The following NYNRIN variants were observed in gnomAD, a reference collection of about 807,000 sequenced individuals.
NYNRIN encodes NYN domain and retroviral integrase containing, also known as protein NYNRIN.
NYNRIN carries 86 observed loss-of-function variants against 146.6 expected under a neutral mutation model. The ratio of observed to expected loss-of-function variants is 0.59; its 90% CI spans 0.49 to 0.70. The LOEUF (loss-of-function observed/expected upper bound fraction) is 0.70. NYNRIN is among the 30% of genes least tolerant of loss of function. NYNRIN has a pLI of 0.00. For synonymous variants in NYNRIN, 1,027 were observed against 1,001.3 expected, an observed-to-expected ratio of 1.03 and a Z score of -0.48; for missense variants, 2,191 against 2,377.7, an observed-to-expected ratio of 0.92 and a Z score of 1.63.
Position 24,399,022 on chromosome 14 carries a change from C to T in NYNRIN, c.-82C>T, listed in dbSNP as rs1566481530. 2.0e-6 allele frequency: 1 copy of T among 502,856 alleles called. No homozygotes were observed. The highest frequency in any genetic ancestry group is 2.1e-5 in the African/African-American group (1 of 48,392). 31.1% of individuals were successfully genotyped at this position (502,856 alleles called of 1,614,324 possible). On this transcript the variant is annotated 5_prime_UTR_variant, in exon 1 of 9. Transcript: ENST00000382554. ...TAGCTACAACCCCGGGCAGGAAGAG[C>T]TCGTCGCGGTAGCAGCGGTCGAAGG...
chr14:24,413,408 A>C lies in NYNRIN; in HGVS notation c.2837A>C (p.Lys946Thr). 1 of 1,610,880 alleles carries C rather than the reference A, an allele frequency of 6.2e-7. No individual in the cohort carries two copies. The highest frequency in any genetic ancestry group is 8.5e-7 in the Non-Finnish European group (1 of 1,178,414). Residue 946 changes from lysine to threonine, a missense_variant, in exon 8 of 9, where the codon AAG (lysine) becomes ACG (threonine). This residue lies in a region of NYNRIN where 1,291 missense variants were observed against 1,417.0 expected (regional missense o/e 0.91). Transcript: ENST00000382554. The stretch of plus-strand genomic sequence containing the variant: ...CCCACCTTGGATGAGTTTCTGAAGA[A>C]GCCAAACAGGTAATAGGTCAGACCT... Reference protein sequence around the residue: ...DGPTLDEFLKKPNRLDTDIGN... With the variant: ...DGPTLDEFLKTPNRLDTDIGN...
Position 24,411,097 on chromosome 14 carries a change from C to T in NYNRIN, c.2436C>T (p.Phe812=). The T allele has an allele frequency of 1.2e-6, 2 of 1,613,856 alleles. No individual in the cohort carries two copies. The highest frequency in any genetic ancestry group is 1.7e-6 in the Non-Finnish European group (2 of 1,179,854). The change falls in exon 5 of 9, where the codon TTC becomes TTT. Residue 812 remains phenylalanine (F), a synonymous_variant. Coordinates refer to ENST00000382554, the MANE Select transcript of NYNRIN (RefSeq NM_025081.3). The surrounding 1 kb of genome is among the most constrained non-coding windows in gnomAD (Gnocchi z 4.3). ...ACAGGCATGGCCTGCAGCACTTCTT[C>T]TCCTGCCGAGGAATTGCCATGGCAG... ...VAMVHGLQHF[F]SCRGIAMAVQ...
chr14:24,407,698 C>T (rs1420166914), intron 2 of NYNRIN, among the ~76,000 whole-genome samples, 171 bp from the exon 3 acceptor site: 1 of 152,020 alleles, frequency 6.6e-6, no homozygotes, highest in African/African-American at 2.4e-5. Flanking sequence ...GGGTGCAGGA[C>T]CAGGGAGAGA....
chr14:24,417,431 G>C lies in NYNRIN; in HGVS notation c.5682G>C (p.Lys1894Asn). 6.6e-7 allele frequency: 1 copy of C among 1,507,006 alleles called. No homozygotes were observed. Among genetic ancestry groups the C allele is most frequent in the Non-Finnish European group, 8.9e-7 (1 of 1,126,000 alleles). 93.4% of individuals were successfully genotyped at this position (1,507,006 alleles called of 1,614,324 possible). A position where few individuals can be genotyped will look rare whatever the true frequency, so the allele number is the denominator to read the frequency against. Reference protein sequence around the residue: ...FAKSGTPLSFKVLEQ With the variant: ...FAKSGTPLSFNVLEQ ...AGAGTGGCACCCCGCTGTCCTTCAA[G>C]GTCTTGGAGCAGTGAGCGGGAGCAG... The change falls in exon 9 of 9, where the codon AAG (lysine) becomes AAC (asparagine). Residue 1894 changes from lysine (K) to asparagine (N), a missense_variant. Coordinates refer to ENST00000382554, the MANE Select transcript of NYNRIN (RefSeq NM_025081.3).
In NYNRIN at chr14:24,408,265, A is replaced by G; in HGVS notation, c.595A>G (p.Lys199Glu). The stretch of plus-strand genomic sequence containing the variant: ...GAGCCTGGTGCGGGATGCTGCGGGC[A>G]AGGAAGACATCATCGAGTGGCTCAG... ...LLSLVRDAAGKEDIIEWLSRF... is the reference protein window; with the variant it reads ...LLSLVRDAAGEEDIIEWLSRF... Residue 199 changes from lysine to glutamate, a missense_variant, in exon 3 of 9, where the codon AAG becomes GAG. Lys to Glu is a moderately conservative substitution (Grantham distance 56). Around this residue, in one of 3 missense-constraint regions of NYNRIN, gnomAD observed 895 missense variants for 941.2 expected, o/e 0.95. Transcript: ENST00000382554. The G allele has an allele frequency of 6.2e-7, 1 of 1,611,088 alleles. No homozygotes were observed.
intron 4 of NYNRIN, among the ~76,000 whole-genome samples, chr14:24,410,644 C>G (rs1330399578): frequency 2.0e-5 from 3 of 152,236 alleles, no homozygotes; most frequent in Non-Finnish European, 4.4e-5. Context: ...CCTTCCTCCA[C>G]AGTACTTACT....
chr14:24,407,751 G>T, intron 2 of NYNRIN, 118 bp from the exon 3 acceptor site: 1 of 900,294 alleles, frequency 1.1e-6, no homozygotes, highest in South Asian at 1.7e-5. Context: ...GGTGGATGGG[G>T]GGTGGTAGTG....
rs749183752 is a variant in NYNRIN at position 24,415,333 on chromosome 14, C to G, written c.3584C>G (p.Pro1195Arg). The G allele has an allele frequency of 3.1e-6, 5 of 1,613,964 alleles. No individual in the cohort carries two copies. Among genetic ancestry groups the G allele is most frequent in the Non-Finnish European group, 4.2e-6 (5 of 1,179,868 alleles). Residue 1195 changes from proline to arginine, a missense_variant, in exon 9 of 9, where the codon CCT becomes CGT. Physicochemically the swap from Pro to Arg is moderately radical, Grantham distance 103. Around this residue, in one of 3 missense-constraint regions of NYNRIN, gnomAD observed 1,291 missense variants for 1,417.0 expected, o/e 0.91. Coordinates refer to ENST00000382554, the MANE Select transcript of NYNRIN (RefSeq NM_025081.3). ...GCCTATACCTCAAAACCCCTCCTCC[C>G]TGATGAGGAGAGCCAGGGCCCCCAG... ...PIAYTSKPLLPDEESQGPQSG... is the reference protein window; with the variant it reads ...PIAYTSKPLLRDEESQGPQSG...
Position 24,415,487 on chromosome 14 carries a change from G to C in NYNRIN, c.3738G>C (p.Glu1246Asp). ...SRTTADPEVR[E>D]GRRVSKAWLI... ...CCACTGCGGACCCTGAGGTGCGGGA[G>C]GGCCGCAGGGTTTCCAAAGCTTGGT... is the stretch of plus-strand genomic sequence containing the variant. Residue 1246 changes from glutamate to aspartate, a missense_variant, in exon 9 of 9, where the codon GAG becomes GAC. Glu to Asp is a conservative substitution (Grantham distance 45). Around this residue, in one of 3 missense-constraint regions of NYNRIN, gnomAD observed 1,291 missense variants for 1,417.0 expected, o/e 0.91. Transcript: ENST00000382554. The C allele has an allele frequency of 6.2e-7, 1 of 1,613,838 alleles. No homozygotes were observed. Among genetic ancestry groups the C allele is most frequent in the Non-Finnish European group, 8.5e-7 (1 of 1,179,822 alleles).
chr14:24,411,438 C>G lies in NYNRIN; in HGVS notation c.2630C>G (p.Thr877Ser). Residue 877 changes from threonine (T) to serine (S), a missense_variant, in exon 6 of 9, where the codon ACC becomes AGC. Thr to Ser is a moderately conservative substitution (Grantham distance 58). This residue lies in a region of NYNRIN where 1,291 missense variants were observed against 1,417.0 expected (regional missense o/e 0.91). Transcript: ENST00000382554. The surrounding 1 kb of genome is among the most constrained non-coding windows in gnomAD (Gnocchi z 4.3). ...CTTGAGAATGGCAAGAAGATCACCA[C>G]CTACGATTATAGGTGTGCCGGTCCC... ...SQLENGKKIT[T>S]YDYRFMVKLA... The G allele has an allele frequency of 2.5e-6, 4 of 1,613,938 alleles. No homozygotes were observed. Among genetic ancestry groups the G allele is most frequent in the Non-Finnish European group, 3.4e-6 (4 of 1,179,810 alleles).
Position 24,410,046 on chromosome 14 carries a change from C to A in NYNRIN, c.2252C>A (p.Ala751Asp). ...GGGCTCCTGGGGGCTTGGGAGGGGG[C>A]CCCAAGGCAGCCACCTCGCCACCTG... ...MEGLLGAWEG[A>D]PRQPPRHLQA... The change falls in exon 4 of 9, where the codon GCC (alanine) becomes GAC (aspartate). Residue 751 changes from alanine (A) to aspartate (D), a missense_variant. By Grantham distance (126) the Ala-to-Asp change is moderately radical (BLOSUM62 -2). Around this residue, in one of 3 missense-constraint regions of NYNRIN, gnomAD observed 895 missense variants for 941.2 expected, o/e 0.95. Transcript: ENST00000382554. 1 of 1,613,900 alleles carries A rather than the reference C, an allele frequency of 6.2e-7. No individual in the cohort carries two copies. Among genetic ancestry groups the A allele is most frequent in the Non-Finnish European group, 8.5e-7 (1 of 1,179,892 alleles).
At position 24,408,426 on chromosome 14, in the gene NYNRIN, C is replaced by A; in HGVS notation, c.756C>A (p.Asn252Lys). The A allele has an allele frequency of 6.2e-7, 1 of 1,613,414 alleles. No individual in the cohort carries two copies. Among genetic ancestry groups the A allele is most frequent in the Non-Finnish European group, 8.5e-7 (1 of 1,179,692 alleles). Residue 252 changes from asparagine to lysine, a missense_variant, in exon 3 of 9, where the codon AAC (asparagine) becomes AAA (lysine). By Grantham distance (94) the Asn-to-Lys change is moderately conservative. Coordinates refer to ENST00000382554, the MANE Select transcript of NYNRIN (RefSeq NM_025081.3). ...TTGTGGACATGGGGACCCTCCAGAA[C>A]AGGGGCCCAGAAAATTCAAAGAGAT... is the stretch of plus-strand genomic sequence containing the variant. ...GPFVDMGTLQ[N>K]RGPENSKRLS...
chr14:24,407,983 A>G lies in NYNRIN; in HGVS notation c.313A>G (p.Ser105Gly). ...QGLFLDCLCW[S>G]TLAYLVPGPP... ...CCTCTTCCTGGACTGCCTCTGCTGG[A>G]GCACCCTTGCCTACCTGGTGCCTGG... Residue 105 changes from serine (S) to glycine (G), a missense_variant, in exon 3 of 9, where the codon AGC becomes GGC. Ser to Gly is a moderately conservative substitution (Grantham distance 56). Transcript: ENST00000382554. 1 of 1,613,958 alleles carries G rather than the reference A, an allele frequency of 6.2e-7. No individual in the cohort carries two copies. Among genetic ancestry groups the G allele is most frequent in the Non-Finnish European group, 8.5e-7 (1 of 1,179,868 alleles).
Position 24,410,063 on chromosome 14 carries a change from C to G in NYNRIN, c.2269C>G (p.Arg757Gly). Residue 757 changes from arginine to glycine, a missense_variant, in exon 4 of 9, where the codon CGC (arginine) becomes GGC (glycine). Around this residue, in one of 3 missense-constraint regions of NYNRIN, gnomAD observed 895 missense variants for 941.2 expected, o/e 0.95. Transcript: ENST00000382554. ...AWEGAPRQPPRHLQANSTVTS... is the reference protein window; with the variant it reads ...AWEGAPRQPPGHLQANSTVTS... ...GGAGGGGGCCCCAAGGCAGCCACCTCGCCACCTGCAAGCGAACAGCACAGT... is the reference window on the plus strand; with the variant it reads ...GGAGGGGGCCCCAAGGCAGCCACCTGGCCACCTGCAAGCGAACAGCACAGT... The G allele has an allele frequency of 6.2e-7, 1 of 1,613,936 alleles. No homozygotes were observed. The highest frequency in any genetic ancestry group is 8.5e-7 in the Non-Finnish European group (1 of 1,179,902).
At chr14:24,400,501 T>TCGGC (rs896513781) in intron 2 of NYNRIN, among the ~76,000 whole-genome samples, 1 of 152,114 alleles carries the variant, frequency 6.6e-6, no homozygotes, top group African/African-American at 2.4e-5. Flanking sequence ...GGCCCAGAAC[T>TCGGC]CGGCCAGCCA....
chr14:24,402,820 A>G (rs1219810786), intron 2 of NYNRIN, among the ~76,000 whole-genome samples: 1 of 152,174 alleles, frequency 6.6e-6, no homozygotes, highest in Non-Finnish European at 1.5e-5. Context: ...TCTTTTATCA[A>G]AGTAATACAC....
rs2042889288 is a variant in NYNRIN, at chr14:24,408,377, C to T, written c.707C>T (p.Ser236Phe). The change falls in exon 3 of 9, where the codon TCC (serine) becomes TTC (phenylalanine). Residue 236 changes from serine (S) to phenylalanine (F), a missense_variant. Ser to Phe is a radical substitution (Grantham distance 155, BLOSUM62 -2). Transcript: ENST00000382554. ...QQQKEAPAMV[S>F]VGESPGPFVD... is the part of the protein sequence containing the mutation. Reference sequence around the variant, plus strand: ...CAGAAGGAAGCCCCAGCCATGGTGTCCGTGGGAGAGAGTCCTGGACCCTTT... The same window carrying T: ...CAGAAGGAAGCCCCAGCCATGGTGTTCGTGGGAGAGAGTCCTGGACCCTTT... The T allele has an allele frequency of 6.2e-7, 1 of 1,613,906 alleles. No homozygotes were observed. Among genetic ancestry groups the T allele is most frequent in the East Asian group, 2.2e-5 (1 of 44,870 alleles).
chr14:24,413,405 A>G lies in NYNRIN; in HGVS notation c.2834A>G (p.Lys945Arg). Residue 945 changes from lysine to arginine, a missense_variant, in exon 8 of 9, where the codon AAG (lysine) becomes AGG (arginine). Coordinates refer to ENST00000382554, the MANE Select transcript of NYNRIN (RefSeq NM_025081.3). Reference protein sequence around the residue: ...RDGPTLDEFLKKPNRLDTDIG... With the variant: ...RDGPTLDEFLRKPNRLDTDIG... ...GGCCCCACCTTGGATGAGTTTCTGA[A>G]GAAGCCAAACAGGTAATAGGTCAGA... 1 of 1,611,578 alleles carries G rather than the reference A, an allele frequency of 6.2e-7. No homozygotes were observed. Among genetic ancestry groups the G allele is most frequent in the Middle Eastern group, 1.7e-4 (1 of 6,056 alleles).
In NYNRIN at chr14:24,408,062, A is replaced by G; in HGVS notation, c.392A>G (p.Gln131Arg). ...GGLTESFIMT[Q>R]NWLEELVGRL... is the part of the protein sequence containing the mutation. ...CTGACTGAGTCTTTCATCATGACAC[A>G]GAACTGGCTGGAGGAGCTGGTGGGG... Residue 131 changes from glutamine (Q) to arginine (R), a missense_variant, in exon 3 of 9, where the codon CAG (glutamine) becomes CGG (arginine). This residue lies in a region of NYNRIN where 895 missense variants were observed against 941.2 expected (regional missense o/e 0.95). Transcript: ENST00000382554. 1.9e-6 allele frequency: 3 copies of G among 1,613,906 alleles called. No homozygotes were observed. The African/African-American group carries it at 4.0e-5, about 22-fold the overall frequency.
Sources: allele counts gnomAD v4.1 joint callset (sites outside exome capture counted in the v4.1 genomes callset), GRCh38; gene constraint gnomAD v4.1.1; regional missense constraint gnomAD v4.1.1; non-coding constraint Gnocchi (gnomAD v3.1); transcripts MANE v1.5; gene names NCBI Gene and HGNC (gene_info 2026-07-23, HGNC 2026-07-21).